GCNT1: variants seen among roughly 807,000 people sequenced by gnomAD.
GCNT1 encodes glucosaminyl (N-acetyl) transferase 1, also known as beta-1,3-galactosyl-O-glycosyl-glycoprotein beta-1,6-N-acetylglucosaminyltransferase.
A neutral mutation model predicts 26.2 loss-of-function variants in GCNT1; 16 were observed. That is an observed-to-expected ratio of 0.61 (90% CI 0.41 to 0.93). GCNT1 has a LOEUF of 0.93. Ranked by LOEUF, GCNT1 falls within the 40% of genes least tolerant of loss-of-function variation. The probability of loss-of-function intolerance (pLI) is 0.00; values close to 1 mark genes in which losing one functional copy is unlikely to be tolerated. For missense variants in GCNT1, 477 were observed against 526.7 expected (o/e 0.91, Z 0.92); for synonymous variants, 183 against 190.8 (o/e 0.96, Z 0.34).
At chr9:76,422,132 G>T (rs555483281) in intron 1 of GCNT1, among the ~76,000 whole-genome samples, 2 of 152,190 alleles carry the variant, frequency 1.3e-5, no homozygotes, top group East Asian at 3.9e-4. Context: ...ACTGTCATGA[G>T]AACAGCATGG....
In GCNT1 at chr9:76,477,603, C is replaced by A. The variant is rs140037824; in HGVS notation, c.-290+17426C>A. Among the ~76,000 whole-genome samples the A allele has an allele frequency of 4.0e-3, 608 of 152,104 alleles. 4 individuals carry two copies. Among genetic ancestry groups the A allele is most frequent in the African/African-American group, 0.014 (579 of 41,488 alleles). On this transcript the variant is annotated intron_variant, in intron 2 of 3. Coordinates refer to ENST00000376730, the MANE Select transcript of GCNT1 (RefSeq NM_001490.5). ...GCTCTGAAGGTGCATCTAGTCACGT[C>A]GTAGTAAGACAGCTGCATCTTTTAA...
At chr9:76,432,894 G>C (rs1823356394) in intron 1 of GCNT1, among the ~76,000 whole-genome samples, 1 of 151,746 alleles carries the variant, frequency 6.6e-6, no homozygotes, top group South Asian at 2.1e-4. Context: ...TTTTTTTACA[G>C]TCGTGCTCAC....
At chr9:76,458,534 G>A (rs1223661586), upstream of GCNT1, among the ~76,000 whole-genome samples, 1 of 152,050 alleles carries the variant, frequency 6.6e-6, no homozygotes, top group Non-Finnish European at 1.5e-5. Flanking sequence ...CTGTTTTCTA[G>A]GAGCTAAAAA....
chr9:76,460,235 C>T (rs1043177524), intron 2 of GCNT1, 58 bp downstream of exon 2: 4 of 152,210 alleles, frequency 2.6e-5, no homozygotes, highest in African/African-American at 7.2e-5. Context: ...CCCTGTACAC[C>T]CTTTGCCTTG....
chr9:76,503,567 C>G lies in GCNT1; in HGVS notation c.1186C>G (p.His396Asp). ...CTTGAACTGGATGCTGCGCAAACACCACTTGTTTGCCAATAAGTTTGACGT... is the reference window on the plus strand; with the variant it reads ...CTTGAACTGGATGCTGCGCAAACACGACTTGTTTGCCAATAAGTTTGACGT... ...GDLNWMLRKH[H>D]LFANKFDVDV... Residue 396 changes from histidine (H) to aspartate (D), a missense_variant, in exon 4 of 4, where the codon CAC becomes GAC. By Grantham distance (81) the His-to-Asp change is moderately conservative (BLOSUM62 -1). Coordinates refer to ENST00000376730, the MANE Select transcript of GCNT1 (RefSeq NM_001490.5). The G allele has an allele frequency of 6.2e-7, 1 of 1,613,858 alleles. No individual in the cohort carries two copies. The highest frequency in any genetic ancestry group is 8.5e-7 in the Non-Finnish European group (1 of 1,179,744).
Position 76,502,617 on chromosome 9 carries a change from C to G in GCNT1, c.236C>G (p.Thr79Arg). Residue 79 changes from threonine (T) to arginine (R), a missense_variant, in exon 4 of 4, where the codon ACA (threonine) becomes AGA (arginine). Coordinates refer to ENST00000376730, the MANE Select transcript of GCNT1 (RefSeq NM_001490.5). The stretch of plus-strand genomic sequence containing the variant: ...CAAAAGGTAAAGCTTGAGATCCTAA[C>G]AGTGAAATTTAAAAAGCGCCCTCGG... Reference protein sequence around the residue: ...EIQKVKLEILTVKFKKRPRWT... With the variant: ...EIQKVKLEILRVKFKKRPRWT... 1 of 1,613,710 alleles carries G rather than the reference C, an allele frequency of 6.2e-7. No individual in the cohort carries two copies. The highest frequency in any genetic ancestry group is 8.5e-7 in the Non-Finnish European group (1 of 1,179,824).
chr9:76,444,330 G>A (rs1184281525), intron 1 of GCNT1, among the ~76,000 whole-genome samples: 1 of 152,138 alleles, frequency 6.6e-6, no homozygotes, highest in African/African-American at 2.4e-5. Context: ...CATGAGGTTG[G>A]ATGAGGCCAT....
At chr9:76,484,271 A>C (rs1347840303) in intron 2 of GCNT1, among the ~76,000 whole-genome samples, 1 of 151,884 alleles carries the variant, frequency 6.6e-6, no homozygotes. Context: ...CAGCTACTTG[A>C]GAGGCTAAGG....
chr9:76,482,465 CA>C (rs372319716), intron 2 of GCNT1, among the ~76,000 whole-genome samples: 2 of 147,888 alleles, frequency 1.4e-5, no homozygotes, highest in Middle Eastern at 3.2e-3. Context: ...ACTAAAAATA[CA>C]AAAAAAAATT....
chr9:76,436,204 G>A (rs367655742), intron 1 of GCNT1, among the ~76,000 whole-genome samples: 14 of 151,280 alleles, frequency 9.3e-5, no homozygotes, highest in African/African-American at 3.2e-4. Context: ...CACCTACCTC[G>A]GCCTCCATCT....
chr9:76,498,646 G>T (rs553605405), intron 2 of GCNT1, among the ~76,000 whole-genome samples: 4 of 152,010 alleles, frequency 2.6e-5, no homozygotes, highest in African/African-American at 9.7e-5. Flanking sequence ...GGGGGCGGGT[G>T]CCTGTAATCC....
chr9:76,452,215 C>A (rs934696837), intron 1 of GCNT1, among the ~76,000 whole-genome samples: 1 of 152,186 alleles, frequency 6.6e-6, no homozygotes, highest in Admixed American at 6.5e-5. Context: ...GTGATCCACC[C>A]ACCTTGGCCT....
At chr9:76,416,746 G>A (rs1385723754), upstream of GCNT1, among the ~76,000 whole-genome samples, 1 of 152,168 alleles carries the variant, frequency 6.6e-6, no homozygotes, top group African/African-American at 2.4e-5. Flanking sequence ...AAGCTTTTTT[G>A]TGATACTTAG....
chr9:76,465,892 A>G (rs1195233256), intron 2 of GCNT1, among the ~76,000 whole-genome samples: 1 of 152,212 alleles, frequency 6.6e-6, no homozygotes, highest in South Asian at 2.1e-4. Context: ...TGGTGGAACC[A>G]TTATGGTGAT....
the GCNT1 span, among the ~76,000 whole-genome samples, chr9:76,414,212 A>T: frequency 2.0e-5 from 3 of 152,172 alleles, no homozygotes; most frequent in African/African-American, 7.2e-5. Context: ...TCTGATTCTG[A>T]TGCATCCTCA....
At chr9:76,488,394 T>C (rs1417290778) in intron 2 of GCNT1, among the ~76,000 whole-genome samples, 1 of 152,194 alleles carries the variant, frequency 6.6e-6, no homozygotes, top group Non-Finnish European at 1.5e-5. Context: ...TCTAAATTAC[T>C]GTATGTTTTG....
At chr9:76,456,519 G>A (rs573905065), upstream of GCNT1, among the ~76,000 whole-genome samples, 1 of 152,292 alleles carries the variant, frequency 6.6e-6, no homozygotes, top group Non-Finnish European at 1.5e-5. Flanking sequence ...TTACTACAAT[G>A]TTTTTGCCTT....
In GCNT1 at chr9:76,502,677, A is replaced by G; in HGVS notation, c.296A>G (p.Asp99Gly). ...TPDDYINMTS[D>G]CSSFIKRRKY... ...GACGACTATATAAACATGACCAGTG[A>G]CTGTTCTTCTTTCATCAAGAGACGC... The change falls in exon 4 of 4, where the codon GAC (aspartate) becomes GGC (glycine). Residue 99 changes from aspartate to glycine, a missense_variant. Asp to Gly is a moderately conservative substitution (Grantham distance 94, BLOSUM62 -1). Transcript: ENST00000376730. The G allele has an allele frequency of 6.2e-7, 1 of 1,614,170 alleles. No individual in the cohort carries two copies. Among genetic ancestry groups the G allele is most frequent in the Non-Finnish European group, 8.5e-7 (1 of 1,180,004 alleles).
chr9:76,431,795 A>C (rs2131577065), intron 1 of GCNT1, among the ~76,000 whole-genome samples: 1 of 152,208 alleles, frequency 6.6e-6, no homozygotes, highest in African/African-American at 2.4e-5. Context: ...CCTCATTAAC[A>C]CAACAAAGAC....
Sources: gnomAD v4.1 joint callset for allele counts (sites outside exome capture counted in the v4.1 genomes callset) on GRCh38, gnomAD v4.1.1 for gene constraint, MANE v1.5 for transcripts, NCBI Gene and HGNC (gene_info 2026-07-23, HGNC 2026-07-21) for gene names.